CPB2: variants seen among roughly 807,000 people sequenced by gnomAD.
CPB2 encodes carboxypeptidase B-like protein.
CPB2 carries 54 observed loss-of-function variants against 57.0 expected under a neutral mutation model. The observed-to-expected ratio is 0.95, with a 90% CI of 0.76 to 1.19. The LOEUF (loss-of-function observed/expected upper bound fraction) is 1.19. CPB2 is among the 50% of genes most tolerant of loss of function. The pLI is 0.00. For synonymous variants in CPB2, 189 were observed against 178.1 expected, an observed-to-expected ratio of 1.06 and a Z score of -0.49; for missense variants, 426 against 512.0, an observed-to-expected ratio of 0.83 and a Z score of 1.62.
At chr13:46,086,792 C>A (rs550205992) in intron 2 of CPB2, among the ~76,000 whole-genome samples, 34 of 152,342 alleles carry the variant, frequency 2.2e-4, no homozygotes, top group African/African-American at 8.2e-4. Context: ...CCTCAGCCAC[C>A]CCCTTGGCTT....
intron 2 of CPB2, among the ~76,000 whole-genome samples, chr13:46,084,860 AT>A (rs201807996): frequency 1.4e-4 from 20 of 141,774 alleles, no homozygotes; most frequent in Admixed American, 4.2e-4. Flanking sequence ...TTTATTTTTT[AT>A]TTTTTTTTTG....
At chr13:46,072,704 C>T (rs2044961368) in intron 6 of CPB2, among the ~76,000 whole-genome samples, 1 of 152,132 alleles carries the variant, frequency 6.6e-6, no homozygotes, top group Non-Finnish European at 1.5e-5. Context: ...GGGACAACCT[C>T]ACCGATATAA....
At chr13:46,087,845 T>G (rs1262625053) in intron 1 of CPB2, 25 bp from the exon 2 acceptor site, 8 of 1,493,314 alleles carry the variant, frequency 5.4e-6, no homozygotes, top group Non-Finnish European at 7.4e-6. Context: ...AAAAGAGGAT[T>G]TTGATATTAA....
intron 5 of CPB2, among the ~76,000 whole-genome samples, chr13:46,076,259 CA>C (rs1566406576): frequency 6.6e-6 from 1 of 152,010 alleles, no homozygotes; most frequent in African/African-American, 2.4e-5. Flanking sequence ...TAGCCTCCAC[CA>C]AAAAACTGTG....
chr13:46,089,672 A>G (rs1181096111), intron 1 of CPB2, among the ~76,000 whole-genome samples: 2 of 152,194 alleles, frequency 1.3e-5, no homozygotes, highest in Admixed American at 6.5e-5. Flanking sequence ...TGATTAGGTC[A>G]TAAGGGGAGA....
At chr13:46,089,911 G>A (rs181973147) in intron 1 of CPB2, among the ~76,000 whole-genome samples, 15 of 152,248 alleles carry the variant, frequency 9.9e-5, no homozygotes, top group African/African-American at 3.6e-4. Context: ...CTGCCCAAAC[G>A]TACTAAGACA....
At chr13:46,101,516 A>C (rs1000416944) in intron 1 of CPB2, among the ~76,000 whole-genome samples, 11 of 152,216 alleles carry the variant, frequency 7.2e-5, no homozygotes, top group African/African-American at 2.7e-4. Context: ...CTAACTTTCC[A>C]TGCGAGAGCA....
chr13:46,084,049 ACAGAGCTGGACCTTAGGCTTTATCAC>A (rs1468808273), intron 3 of CPB2, among the ~76,000 whole-genome samples, 144 bp downstream of exon 3: 1 of 152,232 alleles, frequency 6.6e-6, no homozygotes, highest in Non-Finnish European at 1.5e-5. Flanking sequence ...ATCCAAGATC[ACAGAGCTGGACCTTAGGCTTTATCAC>A]CAGTCCATTT....
chr13:46,072,283 T>C (rs773104791), intron 6 of CPB2, among the ~76,000 whole-genome samples: 24 of 152,150 alleles, frequency 1.6e-4, no homozygotes, highest in Non-Finnish European at 3.2e-4. Context: ...TGCCTTTGGG[T>C]GGTTTAGTTT....
rs149279745 is a variant in CPB2, at chr13:46,079,551, A to AAAAAG, written c.385-655_385-651dup. Among the ~76,000 whole-genome samples, 809 of 124,614 alleles carry AAAAAG rather than the reference A, an allele frequency of 6.5e-3. 30 individuals are homozygous for AAAAAG. Among genetic ancestry groups the AAAAAG allele is most frequent in the Middle Eastern group, 0.026 (6 of 234 alleles). The allele number at this position is 124,614 out of a possible 152,430, so 81.8% of individuals were successfully genotyped here. On this transcript the variant is annotated intron_variant, in intron 4 of 10. Coordinates refer to ENST00000181383, the MANE Select transcript of CPB2 (RefSeq NM_001872.5). ...AGGAAAAAGCAAAAAAAAAAAAAAA[A>AAAAAG]AAAAGAAAAGAAAAGAAAAGAAAAA...
At chr13:46,060,688 TG>T (rs1593883211) in intron 8 of CPB2, among the ~76,000 whole-genome samples, 1 of 152,118 alleles carries the variant, frequency 6.6e-6, no homozygotes, top group Non-Finnish European at 1.5e-5. Context: ...TAGCCACATG[TG>T]GTTAGTGGCT....
intron 5 of CPB2, among the ~76,000 whole-genome samples, chr13:46,075,552 A>G (rs765277185): frequency 1.3e-5 from 2 of 152,236 alleles, no homozygotes; most frequent in Non-Finnish European, 2.9e-5. Context: ...TGGATATGCC[A>G]TGATACATGG....
intron 5 of CPB2, among the ~76,000 whole-genome samples, chr13:46,077,795 A>C (rs1034160450): frequency 2.6e-5 from 4 of 152,150 alleles, no homozygotes; most frequent in Admixed American, 2.6e-4. Flanking sequence ...AAGGAATAAA[A>C]TCCTATCATT....
chr13:46,058,478 C>T (rs2044728272), intron 8 of CPB2, 97 bp from the exon 9 acceptor site: 1 of 989,052 alleles, frequency 1.0e-6, no homozygotes, highest in South Asian at 1.5e-5. Flanking sequence ...TATGTTGCAA[C>T]ACTTTTAGAT....
intron 4 of CPB2, among the ~76,000 whole-genome samples, chr13:46,080,706 C>T (rs930276802): frequency 6.6e-6 from 1 of 152,108 alleles, no homozygotes; most frequent in Non-Finnish European, 1.5e-5. Flanking sequence ...CATGGTGGCT[C>T]ACACCTGTAA....
At chr13:46,087,685 T>C (rs1336895733) in intron 2 of CPB2, 60 bp downstream of exon 2, 2 of 1,150,310 alleles carry the variant, frequency 1.7e-6, no homozygotes, top group African/African-American at 3.1e-5. Context: ...AGGAGGAAAC[T>C]CAACACCCAG....
Position 46,077,511 on chromosome 13 carries a change from T to C in CPB2, c.486+1289A>G, listed in dbSNP as rs2045041268. ...TTAGTTCAGCCACTATGAAAAACCA[T>C]GTGGAGGTTCCTCAAAAAACTAAAA... On this transcript the variant is annotated intron_variant, in intron 5 of 10. Coordinates refer to ENST00000181383, the MANE Select transcript of CPB2 (RefSeq NM_001872.5). Among the ~76,000 whole-genome samples the C allele has an allele frequency of 2.0e-5, 3 of 152,176 alleles. No homozygotes were observed. In the South Asian group the frequency reaches 6.2e-4, roughly 31 times the overall value.
chr13:46,075,183 G>T (rs951613656), intron 5 of CPB2, among the ~76,000 whole-genome samples: 2 of 152,174 alleles, frequency 1.3e-5, no homozygotes, highest in Non-Finnish European at 2.9e-5. Context: ...TCCTAACTTG[G>T]AGCTAGCAAT....
rs773689965 is a variant in CPB2 at position 46,053,583 on chromosome 13, A to G, written c.*31T>C. 8 of 1,593,946 alleles carry G rather than the reference A, an allele frequency of 5.0e-6. No individual in the cohort carries two copies. Among genetic ancestry groups the G allele is most frequent in the Non-Finnish European group, 6.0e-6 (7 of 1,166,780 alleles). On this transcript the variant is annotated 3_prime_UTR_variant, in exon 11 of 11. Coordinates refer to ENST00000181383, the MANE Select transcript of CPB2 (RefSeq NM_001872.5). The stretch of plus-strand genomic sequence containing the variant: ...GTCTTGCTGGAATCAGTAAATTAAA[A>G]TACGGAAGCAGAATGATAAAATCAG...
Sources: allele counts gnomAD v4.1 joint callset (sites outside exome capture counted in the v4.1 genomes callset), GRCh38; gene constraint gnomAD v4.1.1; transcripts MANE v1.5; gene names NCBI Gene and HGNC (gene_info 2026-07-23, HGNC 2026-07-21).